Variants in MKLN1 observed in about 807,000 individuals in gnomAD.
MKLN1 encodes the protein muskelin.
Under a neutral mutation model 99.0 loss-of-function variants are expected in MKLN1, and 18 were observed. That is an observed-to-expected ratio of 0.18 (90% CI 0.13 to 0.27). The LOEUF is 0.27. Among genes scored for constraint, MKLN1 ranks in the 10% least tolerant of loss-of-function variants. MKLN1 has a pLI of 1.00. For missense variants in MKLN1, 621 were observed against 875.9 expected, an observed-to-expected ratio of 0.71 and a Z score of 3.67; for synonymous variants, 288 against 293.2, an observed-to-expected ratio of 0.98 and a Z score of 0.18.
intron 1 of MKLN1, among the ~76,000 whole-genome samples, chr7:131,348,770 G>A (rs992177103): frequency 1.3e-5 from 2 of 152,068 alleles, no homozygotes; most frequent in Non-Finnish European, 2.9e-5. Flanking sequence ...TTATACTGTG[G>A]CAAAAGCTGG....
At chr7:131,365,163 G>A (rs1203383809) in intron 1 of MKLN1, among the ~76,000 whole-genome samples, 1 of 152,176 alleles carries the variant, frequency 6.6e-6, no homozygotes, top group Non-Finnish European at 1.5e-5. Flanking sequence ...ACTGGTGTGA[G>A]ATGGTATCTC....
chr7:131,143,195 G>A (rs754997212), intron 2 of MKLN1, among the ~76,000 whole-genome samples: 13 of 151,642 alleles, frequency 8.6e-5, no homozygotes, highest in African/African-American at 1.2e-4. Flanking sequence ...TTGGCTGGGC[G>A]CAGTGGCTCA....
intron 3 of MKLN1, among the ~76,000 whole-genome samples, chr7:131,251,430 T>G (rs925743434): frequency 6.6e-6 from 1 of 152,300 alleles, no homozygotes; most frequent in Non-Finnish European, 1.5e-5. Context: ...CCTCATCTTA[T>G]ACATGAGCTT....
At position 131,288,977 on chromosome 7, in the gene MKLN1, A is replaced by T. The variant is rs1218159310; in HGVS notation, c.-179+86003A>T. Among the ~76,000 whole-genome samples the T allele has an allele frequency of 4.4e-5, 6 of 136,368 alleles. No individual in the cohort carries two copies. The South Asian group carries it at 6.3e-4, about 14-fold the overall frequency. 89.5% of individuals were successfully genotyped at this position (136,368 alleles called of 152,430 possible). Reference sequence around the variant, plus strand: ...AGGTGGTTAGGCAGAGCCTTCTTTTAAAAAAAAAAATTATTTTTTTAAAGT... The same window carrying T: ...AGGTGGTTAGGCAGAGCCTTCTTTTTAAAAAAAAAATTATTTTTTTAAAGT... On this transcript the variant is annotated intron_variant, in intron 3 of 7. Transcript: ENST00000416992.
At chr7:131,250,217 G>C (rs1012229878) in intron 3 of MKLN1, among the ~76,000 whole-genome samples, 1 of 152,280 alleles carries the variant, frequency 6.6e-6, no homozygotes, top group Admixed American at 6.5e-5. Flanking sequence ...TGGTGGCTGG[G>C]GGGAGATGAT....
chr7:131,398,496 C>A (rs1262911623), intron 5 of MKLN1, among the ~76,000 whole-genome samples: 1 of 151,996 alleles, frequency 6.6e-6, no homozygotes, highest in Non-Finnish European at 1.5e-5. Context: ...GAGTTCAAGA[C>A]CATCCTGACC....
intron 2 of MKLN1, among the ~76,000 whole-genome samples, chr7:131,194,318 T>G (rs1796611734): frequency 6.6e-6 from 1 of 152,134 alleles, no homozygotes; most frequent in Non-Finnish European, 1.5e-5. Flanking sequence ...CAACCACCAA[T>G]CTACTTTCTG....
chr7:131,155,786 A>G (rs749205785), intron 2 of MKLN1, among the ~76,000 whole-genome samples: 2 of 152,202 alleles, frequency 1.3e-5, no homozygotes, highest in African/African-American at 2.4e-5. Flanking sequence ...TCATACAGCT[A>G]CTTTGTGAGA....
intron 3 of MKLN1, among the ~76,000 whole-genome samples, chr7:131,203,882 G>A (rs1365890023): frequency 3.3e-5 from 5 of 152,060 alleles, no homozygotes. Flanking sequence ...AGAGATTGCT[G>A]GATCCTAACA....
intron 1 of MKLN1, among the ~76,000 whole-genome samples, chr7:131,368,741 A>G (rs1163461665): frequency 6.6e-6 from 1 of 152,096 alleles, no homozygotes; most frequent in Non-Finnish European, 1.5e-5. Flanking sequence ...ACAGAGTCAA[A>G]CCATATCAGA....
At chr7:131,213,655 C>T (rs1041595548) in intron 3 of MKLN1, among the ~76,000 whole-genome samples, 10 of 152,154 alleles carry the variant, frequency 6.6e-5, no homozygotes, top group African/African-American at 2.4e-4. Flanking sequence ...AGACAATTTA[C>T]CTAAGGGAGG....
intron 2 of MKLN1, among the ~76,000 whole-genome samples, chr7:131,382,670 C>G (rs1251218009): frequency 6.6e-6 from 1 of 152,036 alleles, no homozygotes; most frequent in African/African-American, 2.4e-5. Context: ...CCTTCTGTTC[C>G]AATATTAGAG....
intron 3 of MKLN1, among the ~76,000 whole-genome samples, chr7:131,255,780 T>A (rs1797648577): frequency 6.6e-6 from 1 of 152,008 alleles, no homozygotes; most frequent in African/African-American, 2.4e-5. Context: ...TGGGTTTCAC[T>A]GTGTTGGCCA....
At chr7:131,266,792 G>T (rs888221147) in intron 3 of MKLN1, among the ~76,000 whole-genome samples, 3 of 151,492 alleles carry the variant, frequency 2.0e-5, no homozygotes, top group African/African-American at 7.3e-5. Flanking sequence ...TTGATTCCTA[G>T]GTGATTGTCT....
Position 131,493,722 on chromosome 7 carries a change from C to T in MKLN1, c.*5994C>T, listed in dbSNP as rs1191691321. 1 of 152,178 alleles carries T rather than the reference C, an allele frequency of 6.6e-6. No homozygotes were observed. The highest frequency in any genetic ancestry group is 1.5e-5 in the Non-Finnish European group (1 of 68,040). The allele number at this position is 152,178 out of a possible 1,614,324, so 9.4% of individuals were successfully genotyped here. A position where few individuals can be genotyped will look rare whatever the true frequency, so the allele number is the denominator to read the frequency against. ...AACATTTCAACATGCAGTTTGGGGG[C>T]TCCCTTGCTTATTCACTGAGTTTAA... On this transcript the variant is annotated 3_prime_UTR_variant, in exon 18 of 18. Coordinates refer to ENST00000352689, the MANE Select transcript of MKLN1 (RefSeq NM_013255.5).
chr7:131,485,756 C>T (rs1416365916), intron 17 of MKLN1, among the ~76,000 whole-genome samples: 1 of 152,010 alleles, frequency 6.6e-6, no homozygotes. Flanking sequence ...ACACATTCCA[C>T]TCATAAGTGT....
At chr7:131,123,016 C>A (rs1311452362) in intron 1 of MKLN1, among the ~76,000 whole-genome samples, 1 of 97,668 alleles carries the variant, frequency 1.0e-5, no homozygotes, top group Non-Finnish European at 1.8e-5. Flanking sequence ...CAGCGAGACT[C>A]CGTCTCAAAA....
intron 6 of MKLN1, among the ~76,000 whole-genome samples, chr7:131,400,518 AAT>A (rs56156009): frequency 0.056 from 7,683 of 137,348 alleles, 281 homozygotes; most frequent in Non-Finnish European, 0.075. Flanking sequence ...ATAAAAAAAA[AAT>A]ATATATATAT....
At chr7:131,364,821 G>A (rs1002025455) in intron 1 of MKLN1, among the ~76,000 whole-genome samples, 15 of 152,206 alleles carry the variant, frequency 9.9e-5, no homozygotes, top group African/African-American at 3.4e-4. Flanking sequence ...ATTCCATGGT[G>A]CATATGTACC....
Sources: gnomAD v4.1 joint callset for allele counts (sites outside exome capture counted in the v4.1 genomes callset) on GRCh38, gnomAD v4.1.1 for gene constraint, MANE v1.5 for transcripts, NCBI Gene and HGNC (gene_info 2026-07-23, HGNC 2026-07-21) for gene names.